Variants in SETD6 observed in about 807,000 individuals in gnomAD.
SETD6 encodes N-lysine methyltransferase SETD6.
SETD6 carries 67 observed loss-of-function variants against 52.7 expected under a neutral mutation model. The observed-to-expected ratio is 1.27, with a 90% CI of 1.04 to 1.56. The LOEUF is 1.56. Among genes scored for constraint, SETD6 ranks in the 40% most tolerant of loss-of-function variants. The pLI, the probability that SETD6 is intolerant of heterozygous loss-of-function variation, is 0.00. For synonymous variants in SETD6, 307 were observed against 250.2 expected (o/e 1.23, Z -2.14); for missense variants, 712 against 607.5 (o/e 1.17, Z -1.81).
In SETD6 at chr16:58,523,553, G is replaced by A; in HGVS notation, c.*4524G>A. On this transcript the variant is annotated 3_prime_UTR_variant, in exon 8 of 8. Transcript: ENST00000219315. The stretch of plus-strand genomic sequence containing the variant: ...GGACTTAGTCTGAAAGGCCAACATG[G>A]GAAGACAGTTCTAACTGGCTAGGGT... 1 of 1,587,892 alleles carries A rather than the reference G, an allele frequency of 6.3e-7. No homozygotes were observed. The highest frequency in any genetic ancestry group is 8.6e-7 in the Non-Finnish European group (1 of 1,160,978).
At position 58,519,807 on chromosome 16, in the gene SETD6, C is replaced by G. The variant is rs1247624334; in HGVS notation, c.*778C>G. ...ATGCCAGCTTAGTAGTAGGAATGAC[C>G]TATCAATCAATCAATCAATCATTCA... On this transcript the variant is annotated 3_prime_UTR_variant, in exon 8 of 8. Transcript: ENST00000219315. 1 of 138,602 alleles carries G rather than the reference C, an allele frequency of 7.2e-6. No individual in the cohort carries two copies. Among genetic ancestry groups the G allele is most frequent in the Non-Finnish European group, 1.6e-5 (1 of 63,528 alleles). 8.6% of individuals were successfully genotyped at this position (138,602 alleles called of 1,614,324 possible).
Position 58,519,415 on chromosome 16 carries a change from A to ACTC in SETD6, c.*387_*389dup, listed in dbSNP as rs1360181229. On this transcript the variant is annotated 3_prime_UTR_variant, in exon 8 of 8. Transcript: ENST00000219315. ...AAGTCACTTAACCTTTATTGAAAAG[A>ACTC]CTCTGGATTTAATAAGCTGTGTAAC... 1.6e-5 allele frequency: 3 copies of ACTC among 191,076 alleles called. No homozygotes were observed. Among genetic ancestry groups the ACTC allele is most frequent in the African/African-American group, 7.1e-5 (3 of 42,334 alleles). The allele number at this position is 191,076 out of a possible 1,614,324, so 11.8% of individuals were successfully genotyped here. A position where few individuals can be genotyped will look rare whatever the true frequency, so the allele number is the denominator to read the frequency against.
Position 58,523,305 on chromosome 16 carries a change from G to GT in SETD6, c.*4276_*4277insT. ...CACTGAACACTGAAAGCATAAAGAGGAAAAAAAAAAGATGAAAGGGAGGAG... is the reference window on the plus strand; with the variant it reads ...CACTGAACACTGAAAGCATAAAGAGGTAAAAAAAAAAGATGAAAGGGAGGAG... On this transcript the variant is annotated 3_prime_UTR_variant, in exon 8 of 8. Coordinates refer to ENST00000219315, the MANE Select transcript of SETD6 (RefSeq NM_001160305.4). 1 of 1,340,130 alleles carries GT rather than the reference G, an allele frequency of 7.5e-7. No individual in the cohort carries two copies. 83.0% of individuals were successfully genotyped at this position (1,340,130 alleles called of 1,614,324 possible).
In SETD6 at chr16:58,519,044, C is replaced by T; in HGVS notation, c.*15C>T. The T allele has an allele frequency of 6.3e-7, 1 of 1,592,574 alleles. No individual in the cohort carries two copies. The highest frequency in any genetic ancestry group is 2.2e-5 in the East Asian group (1 of 44,678). On this transcript the variant is annotated 3_prime_UTR_variant, in exon 8 of 8. Coordinates refer to ENST00000219315, the MANE Select transcript of SETD6 (RefSeq NM_001160305.4). ...TGACAAGTTAGCAGTTTCCCTGTTC[C>T]CTGAAGGAACAGCAATAAGAACTTT...
chr16:58,516,079 G>C lies in SETD6; in HGVS notation c.316G>C (p.Gly106Arg), dbSNP rs2039124830. The part of the protein sequence containing the change: ...ALLSQHTCSI[G>R]GLLERERVAL... Reference sequence around the variant, plus strand: ...CCTGTCGCAGCACACCTGCTCCATCGGCGGCCTGCTGGAGCGAGGTGGGCA... The same window carrying C: ...CCTGTCGCAGCACACCTGCTCCATCCGCGGCCTGCTGGAGCGAGGTGGGCA... Residue 106 changes from glycine (G) to arginine (R), a missense_variant, in exon 2 of 8, where the codon GGC (glycine) becomes CGC (arginine). Physicochemically the swap from Gly to Arg is moderately radical, Grantham distance 125. Coordinates refer to ENST00000219315, the MANE Select transcript of SETD6 (RefSeq NM_001160305.4). 2.1e-6 allele frequency: 3 copies of C among 1,440,142 alleles called. No individual in the cohort carries two copies. The highest frequency in any genetic ancestry group is 2.7e-6 in the Non-Finnish European group (3 of 1,103,758). The allele number at this position is 1,440,142 out of a possible 1,614,324, so 89.2% of individuals were successfully genotyped here.
Position 58,518,961 on chromosome 16 carries a change from C to A in SETD6, c.1354C>A (p.Gln452Lys), listed in dbSNP as rs759747644. The A allele has an allele frequency of 6.8e-6, 11 of 1,614,014 alleles. No homozygotes were observed. Among genetic ancestry groups the A allele is most frequent in the Non-Finnish European group, 9.3e-6 (11 of 1,180,018 alleles). Reference sequence around the variant, plus strand: ...CTATGCGAAACTCAGCTGGAGGGAACAGCAAGCCTTACAGGTTCGCTATGG... The same window carrying A: ...CTATGCGAAACTCAGCTGGAGGGAAAAGCAAGCCTTACAGGTTCGCTATGG... ...EVYAKLSWRE[Q>K]QALQVRYGQK... The change falls in exon 8 of 8, where the codon CAG becomes AAG. Residue 452 changes from glutamine (Q) to lysine (K), a missense_variant. Physicochemically the swap from Gln to Lys is moderately conservative, Grantham distance 53 (BLOSUM62 1). Coordinates refer to ENST00000219315, the MANE Select transcript of SETD6 (RefSeq NM_001160305.4).
At position 58,515,898 on chromosome 16, in the gene SETD6, C is replaced by T; in HGVS notation, c.135C>T (p.Gly45=). ...GTCCCAAGGTGAGCGAGCGAGCCGG[C>T]GGGCGGAGGACCCGCGGCGGGGCGC... The part of the protein sequence containing the change: ...ELSPKVSERA[G]GRRTRGGARA... The change falls in exon 2 of 8, where the codon GGC becomes GGT. Residue 45 remains glycine (G), a synonymous_variant. Transcript: ENST00000219315. The T allele has an allele frequency of 1.3e-6, 2 of 1,506,752 alleles. No homozygotes were observed. Among genetic ancestry groups the T allele is most frequent in the African/African-American group, 1.4e-5 (1 of 69,166 alleles). 93.3% of individuals were successfully genotyped at this position (1,506,752 alleles called of 1,614,324 possible).
At position 58,516,463 on chromosome 16, in the gene SETD6, TG is replaced by T. The variant is rs1294661764; in HGVS notation, c.477-12del. 1 of 1,613,610 alleles carries T rather than the reference TG, an allele frequency of 6.2e-7. No homozygotes were observed. Among genetic ancestry groups the T allele is most frequent in the African/African-American group, 1.3e-5 (1 of 74,896 alleles). ...TGAAGGAATGAAGGGAACCTGGGTG[TG>T]GGTGTCCCTGCAGGCCAGAGGAGGA... On this transcript the variant is annotated splice_polypyrimidine_tract_variant and intron_variant, in intron 3 of 7. Transcript: ENST00000219315.
chr16:58,520,666 G>A lies in SETD6; in HGVS notation c.*1637G>A. On this transcript the variant is annotated 3_prime_UTR_variant, in exon 8 of 8. Transcript: ENST00000219315. ...TATGTACTTGCCTTGGACACAGCTT[G>A]CACAAAGCCAAGAAGTTCCAGACAA... The A allele has an allele frequency of 4.8e-6, 2 of 420,664 alleles. No homozygotes were observed. Among genetic ancestry groups the A allele is most frequent in the Non-Finnish European group, 8.8e-6 (2 of 227,120 alleles). The allele number at this position is 420,664 out of a possible 1,614,324, so 26.1% of individuals were successfully genotyped here. A position where few individuals can be genotyped will look rare whatever the true frequency, so the allele number is the denominator to read the frequency against.
Position 58,523,593 on chromosome 16 carries a change from G to A in SETD6, c.*4564G>A, listed in dbSNP as rs2039482117. 2 of 1,199,022 alleles carry A rather than the reference G, an allele frequency of 1.7e-6. No homozygotes were observed. Among genetic ancestry groups the A allele is most frequent in the Non-Finnish European group, 2.3e-6 (2 of 856,498 alleles). 74.3% of individuals were successfully genotyped at this position (1,199,022 alleles called of 1,614,324 possible). The stretch of plus-strand genomic sequence containing the variant: ...CTGGCTAGGGTTTGGGTTTCTGACA[G>A]AGGCTTTCAAATTAATCTTTGGTTT... On this transcript the variant is annotated 3_prime_UTR_variant, in exon 8 of 8. Transcript: ENST00000219315.
In SETD6 at chr16:58,518,387, T is replaced by G; in HGVS notation, c.974-14T>G. 1 of 1,580,414 alleles carries G rather than the reference T, an allele frequency of 6.3e-7. No homozygotes were observed. The highest frequency in any genetic ancestry group is 8.6e-7 in the Non-Finnish European group (1 of 1,167,592). On this transcript the variant is annotated splice_polypyrimidine_tract_variant and intron_variant, in intron 6 of 7. Coordinates refer to ENST00000219315, the MANE Select transcript of SETD6 (RefSeq NM_001160305.4). ...GGGTGTACTGAGACTTTCACATTGC[T>G]GTTTCATCTACAGGAACAAAAACTG...
Position 58,520,806 on chromosome 16 carries a change from C to G in SETD6, c.*1777C>G. ...AACTTTGGAACGTGCCCACATAAGA[C>G]AGGAGGCTGATCCCAACAGTAGTTG... On this transcript the variant is annotated 3_prime_UTR_variant, in exon 8 of 8. Transcript: ENST00000219315. 2 of 750,294 alleles carry G rather than the reference C, an allele frequency of 2.7e-6. No homozygotes were observed. Among genetic ancestry groups the G allele is most frequent in the Admixed American group, 2.6e-5 (1 of 37,860 alleles). 46.5% of individuals were successfully genotyped at this position (750,294 alleles called of 1,614,324 possible).
chr16:58,518,499 AG>A lies in SETD6; in HGVS notation c.1075del (p.Glu359ArgfsTer4). On this transcript the variant is annotated frameshift_variant, in exon 7 of 8. Transcript: ENST00000219315. LOFTEE classifies it high-confidence loss of function. ...GGAAGAGGGAGCCTTTGTGATAGGG[AG>A]GGAGGAGGTGCTGACTGAAGAGGAG... Reference protein sequence around the residue: ...VGEEGAFVIGREEVLTEEELT... With the variant: ...VGEEGAFVIGXEEVLTEEELT... 6.3e-7 allele frequency: 1 copy of A among 1,592,700 alleles called. No individual in the cohort carries two copies. The highest frequency in any genetic ancestry group is 8.5e-7 in the Non-Finnish European group (1 of 1,175,190).
In SETD6 at chr16:58,522,352, A is replaced by G. The variant is rs1034357563; in HGVS notation, c.*3323A>G. The stretch of plus-strand genomic sequence containing the variant: ...GGCTTAACTTTATATCCTTTCACGT[A>G]CCAACTGTACATGAAGCATAACAAA... On this transcript the variant is annotated 3_prime_UTR_variant, in exon 8 of 8. Coordinates refer to ENST00000219315, the MANE Select transcript of SETD6 (RefSeq NM_001160305.4). 2.6e-5 allele frequency among the ~76,000 whole-genome samples: 4 copies of G among 151,934 alleles called. No individual in the cohort carries two copies. Among genetic ancestry groups the G allele is most frequent in the African/African-American group, 9.7e-5 (4 of 41,350 alleles).
Position 58,521,070 on chromosome 16 carries a change from A to C in SETD6, c.*2041A>C. The C allele has an allele frequency of 6.2e-7, 1 of 1,613,982 alleles. No homozygotes were observed. The highest frequency in any genetic ancestry group is 8.5e-7 in the Non-Finnish European group (1 of 1,179,908). On this transcript the variant is annotated 3_prime_UTR_variant, in exon 8 of 8. Transcript: ENST00000219315. ...TGAAGACAGTTACAAATCTCTGATT[A>C]AAGAGTAGGCCTAACAATACCTTGC... is the stretch of plus-strand genomic sequence containing the variant.
Position 58,515,812 on chromosome 16 carries a change from G to C in SETD6, c.49G>C (p.Gly17Arg). The C allele has an allele frequency of 6.5e-7, 1 of 1,527,600 alleles. No homozygotes were observed. Among genetic ancestry groups the C allele is most frequent in the Non-Finnish European group, 8.7e-7 (1 of 1,146,276 alleles). 94.6% of individuals were successfully genotyped at this position (1,527,600 alleles called of 1,614,324 possible). ...RPRVAGPVDG[G>R]DLDPVACFLS... is the part of the protein sequence containing the mutation. Reference sequence around the variant, plus strand: ...TCAGGTGGCGGGGCCCGTGGACGGCGGCGACCTGGATCCTGTGGCCTGCTT... The same window carrying C: ...TCAGGTGGCGGGGCCCGTGGACGGCCGCGACCTGGATCCTGTGGCCTGCTT... Residue 17 changes from glycine to arginine, a missense_variant, in exon 2 of 8, where the codon GGC (glycine) becomes CGC (arginine). Physicochemically the swap from Gly to Arg is moderately radical, Grantham distance 125. Coordinates refer to ENST00000219315, the MANE Select transcript of SETD6 (RefSeq NM_001160305.4).
Position 58,521,478 on chromosome 16 carries a change from G to C in SETD6, c.*2449G>C, listed in dbSNP as rs1413229560. 3.9e-5 allele frequency among the ~76,000 whole-genome samples: 6 copies of C among 152,190 alleles called. No individual in the cohort carries two copies. The highest frequency in any genetic ancestry group is 4.8e-5 in the African/African-American group (2 of 41,434). On this transcript the variant is annotated 3_prime_UTR_variant, in exon 8 of 8. Transcript: ENST00000219315. Reference sequence around the variant, plus strand: ...GGATTAATATACTCCAAATAGCACAGGTTGGAATACCTGGGTTTGAACCCT... The same window carrying C: ...GGATTAATATACTCCAAATAGCACACGTTGGAATACCTGGGTTTGAACCCT...
rs1475291795 is a variant in SETD6 at position 58,516,257 on chromosome 16, C to G, written c.390C>G (p.Leu130=). ...GGGTGCCACTGCTGCTGGCGCTGCT[C>G]CACGAGCTGCAGGCCCCGGCCTCAC... is the stretch of plus-strand genomic sequence containing the variant. The part of the protein sequence containing the change: ...SGWVPLLLAL[L]HELQAPASRW... Residue 130 remains leucine, a synonymous_variant, in exon 3 of 8, where the codon CTC becomes CTG. Coordinates refer to ENST00000219315, the MANE Select transcript of SETD6 (RefSeq NM_001160305.4). 1.9e-6 allele frequency: 3 copies of G among 1,600,480 alleles called. No individual in the cohort carries two copies. Among genetic ancestry groups the G allele is most frequent in the Non-Finnish European group, 2.5e-6 (3 of 1,179,654 alleles).
chr16:58,519,299 C>T lies in SETD6; in HGVS notation c.*270C>T, dbSNP rs1011740305. The T allele has an allele frequency of 1.6e-5, 6 of 386,310 alleles. No individual in the cohort carries two copies. Among genetic ancestry groups the T allele is most frequent in the Admixed American group, 4.4e-5 (1 of 22,972 alleles). The allele number at this position is 386,310 out of a possible 1,614,324, so 23.9% of individuals were successfully genotyped here. A position where few individuals can be genotyped will look rare whatever the true frequency, so the allele number is the denominator to read the frequency against. On this transcript the variant is annotated 3_prime_UTR_variant, in exon 8 of 8. Coordinates refer to ENST00000219315, the MANE Select transcript of SETD6 (RefSeq NM_001160305.4). Reference sequence around the variant, plus strand: ...GTTTTAACCAAAGCCAGTGGACATACGGTAGTAATAAGTAAGTCTTGTTGT... The same window carrying T: ...GTTTTAACCAAAGCCAGTGGACATATGGTAGTAATAAGTAAGTCTTGTTGT...
Sources: allele counts gnomAD v4.1 joint callset (sites outside exome capture counted in the v4.1 genomes callset), GRCh38; gene constraint gnomAD v4.1.1; transcripts MANE v1.5; gene names NCBI Gene and HGNC (gene_info 2026-07-23, HGNC 2026-07-21).